EML6: variants seen among roughly 807,000 people sequenced by gnomAD.
EML6 encodes echinoderm microtubule-associated protein-like 6.
In EML6, 154 loss-of-function variants were observed where a neutral mutation model predicts 240.1. That is an observed-to-expected ratio of 0.64 (90% CI 0.56 to 0.73). The LOEUF (loss-of-function observed/expected upper bound fraction) is 0.73. Among genes scored for constraint, EML6 ranks in the 30% least tolerant of loss-of-function variants. EML6 has a pLI of 0.00. For synonymous variants in EML6, 1,148 were observed against 899.0 expected, an observed-to-expected ratio of 1.28 and a Z score of -4.95; for missense variants, 2,964 against 2,474.6, an observed-to-expected ratio of 1.20 and a Z score of -4.20.
intron 29 of EML6, among the ~76,000 whole-genome samples, chr2:54,950,449 C>G (rs1675916980): frequency 6.6e-6 from 1 of 152,226 alleles, no homozygotes; most frequent in Non-Finnish European, 1.5e-5. Context: ...GACTGCCACC[C>G]CAGCATTTCA....
At chr2:54,889,360 G>A (rs1039413663) in intron 17 of EML6, among the ~76,000 whole-genome samples, 2 of 151,526 alleles carry the variant, frequency 1.3e-5, no homozygotes, top group African/African-American at 2.4e-5. Flanking sequence ...CTTTTTATTG[G>A]AACTAAGTTG....
At chr2:54,769,445 A>G (rs1668319895) in intron 2 of EML6, among the ~76,000 whole-genome samples, 2 of 152,216 alleles carry the variant, frequency 1.3e-5, no homozygotes, top group Admixed American at 6.6e-5. Context: ...TTGTAGTACA[A>G]AAGTAATACA....
Position 54,848,318 on chromosome 2 carries a change from A to G in EML6, c.1187+695A>G, listed in dbSNP as rs199849165. On this transcript the variant is annotated intron_variant, in intron 9 of 41. Transcript: ENST00000356458. ...GAAAATAAATGCAGCTATAAAGTAA[A>G]TATTTCCCGCTTTGCACAGAGAATT... is the stretch of plus-strand genomic sequence containing the variant. 1.4e-4 allele frequency among the ~76,000 whole-genome samples: 22 copies of G among 152,318 alleles called. No individual in the cohort carries two copies. The East Asian group carries it at 4.0e-3, about 28-fold the overall frequency.
At chr2:54,967,541 A>AACAC (rs1558735860) in intron 39 of EML6, among the ~76,000 whole-genome samples, 1 of 152,160 alleles carries the variant, frequency 6.6e-6, no homozygotes, top group African/African-American at 2.4e-5. Flanking sequence ...TGTTCTCCCC[A>AACAC]ACACACACAT....
chr2:54,952,631 C>T lies in EML6; in HGVS notation c.4251C>T (p.Ile1417=). 2 of 1,551,400 alleles carry T rather than the reference C, an allele frequency of 1.3e-6. No individual in the cohort carries two copies. Among genetic ancestry groups the T allele is most frequent in the African/African-American group, 1.4e-5 (1 of 73,162 alleles). Residue 1417 remains isoleucine (I), a synonymous_variant, in exon 31 of 42, where the codon ATC becomes ATT. Coordinates refer to ENST00000356458, the MANE Select transcript of EML6 (RefSeq NM_001039753.4). ...QSFYLEHTDD[I]LCLTVNQHPK... ...TCTATCTGGAGCACACAGATGACAT[C>T]CTCTGTCTCACAGTGAACCAGCACC...
intron 37 of EML6, 51 bp downstream of exon 37, chr2:54,964,209 T>C: frequency 1.3e-6 from 2 of 1,517,726 alleles, no homozygotes; most frequent in Middle Eastern, 1.7e-4. Flanking sequence ...GCATTCTGCT[T>C]ACCAGTGGTT....
At chr2:54,754,725 T>A (rs752809976) in intron 2 of EML6, among the ~76,000 whole-genome samples, 1 of 152,202 alleles carries the variant, frequency 6.6e-6, no homozygotes, top group Non-Finnish European at 1.5e-5. Flanking sequence ...ATTAGTGCTG[T>A]CTGGGTCCTG....
At chr2:54,859,768 C>T in intron 12 of EML6, 67 bp downstream of exon 12, 1 of 1,342,586 alleles carries the variant, frequency 7.4e-7, no homozygotes, top group East Asian at 2.6e-5. Context: ...AATGGTCTAA[C>T]ATGTATTCTA....
At chr2:54,830,645 C>G (rs1390652287) in intron 7 of EML6, among the ~76,000 whole-genome samples, 1 of 152,138 alleles carries the variant, frequency 6.6e-6, no homozygotes, top group Non-Finnish European at 1.5e-5. Flanking sequence ...AGGTAGATTT[C>G]AAAGGACTGG....
chr2:54,788,782 T>A (rs765681979), intron 2 of EML6, among the ~76,000 whole-genome samples: 31 of 152,214 alleles, frequency 2.0e-4, no homozygotes, highest in Admixed American at 1.3e-4. Context: ...AGAACATATA[T>A]TTTAGGAATC....
At chr2:54,929,560 T>C (rs1196606840) in intron 28 of EML6, among the ~76,000 whole-genome samples, 1 of 152,236 alleles carries the variant, frequency 6.6e-6, no homozygotes, top group Non-Finnish European at 1.5e-5. Context: ...ATGTTGACAA[T>C]ACGCTGGTCC....
At chr2:54,743,219 C>T (rs940344105) in intron 2 of EML6, among the ~76,000 whole-genome samples, 1 of 152,200 alleles carries the variant, frequency 6.6e-6, no homozygotes, top group African/African-American at 2.4e-5. Context: ...CACGCACATA[C>T]ACAGTTGCAC....
chr2:54,765,145 C>T (rs164854), intron 2 of EML6, among the ~76,000 whole-genome samples: 22,126 of 151,786 alleles, frequency 0.15, 1,914 homozygotes, highest in Non-Finnish European at 0.19. Flanking sequence ...TTTAAGTGAT[C>T]GTAGAAGTTT....
intron 2 of EML6, among the ~76,000 whole-genome samples, chr2:54,768,815 C>T (rs1006052874): frequency 2.0e-5 from 3 of 151,926 alleles, no homozygotes; most frequent in African/African-American, 7.3e-5. Flanking sequence ...ATTTTCTACT[C>T]AAAGTTTTTT....
intron 25 of EML6, among the ~76,000 whole-genome samples, chr2:54,916,375 G>T (rs1388323872): frequency 1.3e-5 from 2 of 152,168 alleles, no homozygotes; most frequent in East Asian, 1.9e-4. Flanking sequence ...ATCCTGACAC[G>T]CACAGGACAG....
intron 7 of EML6, 79 bp from the exon 8 acceptor site, chr2:54,843,968 G>GTC: frequency 4.0e-6 from 2 of 499,766 alleles, no homozygotes; most frequent in Non-Finnish European, 7.1e-6. Context: ...AGGGTTTTGT[G>GTC]TGTGTGTGTG....
In EML6 at chr2:54,892,628, C is replaced by G; in HGVS notation, c.2714C>G (p.Pro905Arg). ...AAGACAGTGAAAGCTCATGATGGGC[C>G]TGTGTTTGCTATGTATGCACTGGAT... ...LLKTVKAHDGPVFAMYALDKG... is the reference protein window; with the variant it reads ...LLKTVKAHDGRVFAMYALDKG... The change falls in exon 19 of 42, where the codon CCT becomes CGT. Residue 905 changes from proline to arginine, a missense_variant. Physicochemically the swap from Pro to Arg is moderately radical, Grantham distance 103 (BLOSUM62 -2). Transcript: ENST00000356458. 1.3e-6 allele frequency: 2 copies of G among 1,551,596 alleles called. No homozygotes were observed. Among genetic ancestry groups the G allele is most frequent in the Non-Finnish European group, 1.7e-6 (2 of 1,146,800 alleles).
intron 19 of EML6, among the ~76,000 whole-genome samples, chr2:54,894,404 G>A (rs1412533258): frequency 2.0e-5 from 3 of 152,114 alleles, no homozygotes; most frequent in Admixed American, 2.0e-4. Context: ...TGTGTCTATT[G>A]AATGAAATAG....
chr2:54,902,599 G>A lies in EML6; in HGVS notation c.3125-445G>A, dbSNP rs546831368. On this transcript the variant is annotated intron_variant, in intron 22 of 41. Coordinates refer to ENST00000356458, the MANE Select transcript of EML6 (RefSeq NM_001039753.4). ...TTTTTTGTAGAGATGGGATTTTGCT[G>A]CGTTGCCCAGGCTGGTCTTGAACTC... Among the ~76,000 whole-genome samples, 118 of 152,184 alleles carry A rather than the reference G, an allele frequency of 7.8e-4. 2 individuals carry two copies. The highest frequency in any genetic ancestry group is 2.8e-3 in the African/African-American group (116 of 41,500).
Sources: gnomAD v4.1 joint callset for allele counts (sites outside exome capture counted in the v4.1 genomes callset) on GRCh38, gnomAD v4.1.1 for gene constraint, MANE v1.5 for transcripts, NCBI Gene and HGNC (gene_info 2026-07-23, HGNC 2026-07-21) for gene names.